The following ADGRV1 variants were observed in gnomAD, a reference collection of about 807,000 sequenced individuals.
ADGRV1 encodes G-protein coupled receptor 98.
ADGRV1 carries 359 observed loss-of-function variants against 596.2 expected under a neutral mutation model. The observed-to-expected ratio is 0.60, with a 90% CI of 0.55 to 0.66. The LOEUF is 0.66. Ranked by LOEUF, ADGRV1 falls within the 30% of genes least tolerant of loss-of-function variation. The pLI is 0.00. For missense variants in ADGRV1, 7,274 were observed against 7,575.6 expected, an observed-to-expected ratio of 0.96 and a Z score of 1.48; for synonymous variants, 2,681 against 2,679.2, an observed-to-expected ratio of 1.00 and a Z score of -0.02.
In ADGRV1 at chr5:90,778,412, T is replaced by C; in HGVS notation, c.12667-15T>C. On this transcript the variant is annotated splice_polypyrimidine_tract_variant and intron_variant, in intron 62 of 89. Transcript: ENST00000405460. ...CCACAGATTCTACTGTTGATGACTC[T>C]TTGTCTTTTTCTAGGCTTTGAACGA... 1 of 1,609,302 alleles carries C rather than the reference T, an allele frequency of 6.2e-7. No individual in the cohort carries two copies. Among genetic ancestry groups the C allele is most frequent in the Non-Finnish European group, 8.5e-7 (1 of 1,177,316 alleles).
chr5:90,974,058 GACAA>G lies in ADGRV1; in HGVS notation c.17973+8531_17973+8534del, dbSNP rs759608066. 1.1e-4 allele frequency among the ~76,000 whole-genome samples: 16 copies of G among 152,174 alleles called. 1 individual carries two copies. In the East Asian group the frequency reaches 2.5e-3, roughly 24 times the overall value. On this transcript the variant is annotated intron_variant, in intron 84 of 89. Transcript: ENST00000405460. ...CAAGCATTCTTATACACCAATAACA[GACAA>G]ACAGAGAGCCAAATCATGAGTGAAC...
chr5:90,885,346 C>G (rs1770178314), intron 83 of ADGRV1, among the ~76,000 whole-genome samples: 1 of 152,126 alleles, frequency 6.6e-6, no homozygotes, highest in Admixed American at 6.6e-5. Flanking sequence ...CTTAAAGTCT[C>G]AGGACTTTAT....
intron 85 of ADGRV1, among the ~76,000 whole-genome samples, chr5:91,033,395 C>T (rs1347147744): frequency 6.6e-6 from 1 of 152,116 alleles, no homozygotes; most frequent in Admixed American, 6.6e-5. Context: ...ATGTTACTTT[C>T]TCAGCTTCAT....
At chr5:90,692,517 GT>G in intron 31 of ADGRV1, 87 bp from the exon 32 acceptor site, 2 of 963,440 alleles carry the variant, frequency 2.1e-6, no homozygotes, top group Non-Finnish European at 3.1e-6. Context: ...GTACTTGTAT[GT>G]ATATGTTTGA....
chr5:90,671,906 G>C (rs957152820), intron 21 of ADGRV1, among the ~76,000 whole-genome samples: 10 of 152,046 alleles, frequency 6.6e-5, no homozygotes, highest in Non-Finnish European at 1.3e-4. Flanking sequence ...AATACCTCTA[G>C]GTTTATATGA....
intron 69 of ADGRV1, 115 bp from the exon 70 acceptor site, chr5:90,790,758 G>T: frequency 1.5e-6 from 1 of 679,814 alleles, no homozygotes; most frequent in Non-Finnish European, 2.4e-6. Context: ...TTTGAATATA[G>T]TGATGCACAA....
At chr5:90,642,596 T>G (rs747535420) in intron 11 of ADGRV1, 40 bp from the exon 12 acceptor site, 2 of 1,598,898 alleles carry the variant, frequency 1.3e-6, no homozygotes, top group East Asian at 4.5e-5. Flanking sequence ...GAAGTAAAAC[T>G]GGAAGTAGCG....
rs1363180088 is a variant in ADGRV1 at position 90,711,180 on chromosome 5, A to G, written c.8904-4A>G. 1 of 1,606,800 alleles carries G rather than the reference A, an allele frequency of 6.2e-7. No individual in the cohort carries two copies. The highest frequency in any genetic ancestry group is 1.3e-5 in the African/African-American group (1 of 74,428). On this transcript the variant is annotated splice_polypyrimidine_tract_variant and splice_region_variant and intron_variant, in intron 40 of 89. Transcript: ENST00000405460. ...TTTGTTTTTGTTTTTTTGCTATATT[A>G]TAGGTTTGAAGTAAATGAAACCCAT...
chr5:90,695,809 G>A (rs977452024), intron 33 of ADGRV1, among the ~76,000 whole-genome samples: 1 of 151,938 alleles, frequency 6.6e-6, no homozygotes, highest in East Asian at 1.9e-4. Context: ...ACGGAAGATG[G>A]GAACAGGTTA....
rs1580696026 is a variant in ADGRV1 at position 90,675,302 on chromosome 5, G to A, written c.5170G>A (p.Ala1724Thr). ...GCCTAAGGACGCAATGACCCTGCCT[G>A]CAAGCAGCGTTCCACATATCACTGT... ...PQPKDAMTLP[A>T]SSVPHITVEE... Residue 1724 changes from alanine to threonine, a missense_variant, in exon 24 of 90, where the codon GCA (alanine) becomes ACA (threonine). By Grantham distance (58) the Ala-to-Thr change is moderately conservative (BLOSUM62 0). Coordinates refer to ENST00000405460, the MANE Select transcript of ADGRV1 (RefSeq NM_032119.4). 6.2e-7 allele frequency: 1 copy of A among 1,613,802 alleles called. No homozygotes were observed. The highest frequency in any genetic ancestry group is 1.7e-5 in the Admixed American group (1 of 59,950).
chr5:91,149,042 A>G (rs1418989776), intron 87 of ADGRV1, among the ~76,000 whole-genome samples: 1 of 152,200 alleles, frequency 6.6e-6, no homozygotes, highest in African/African-American at 2.4e-5. Context: ...CATCATATCT[A>G]GGAAGCAACT....
chr5:90,908,678 A>G (rs1217036148), intron 83 of ADGRV1, among the ~76,000 whole-genome samples: 3 of 152,196 alleles, frequency 2.0e-5, no homozygotes, highest in African/African-American at 7.2e-5. Context: ...AATATTGTGT[A>G]TATGACCTTC....
intron 75 of ADGRV1, among the ~76,000 whole-genome samples, chr5:90,816,411 A>T (rs1447611246): frequency 3.4e-5 from 5 of 149,196 alleles, no homozygotes; most frequent in Non-Finnish European, 7.5e-5. Context: ...AAGATTTTTT[A>T]AATTTTATTA....
chr5:90,662,257 G>A (rs1024262182), intron 21 of ADGRV1, among the ~76,000 whole-genome samples: 1 of 145,980 alleles, frequency 6.9e-6, no homozygotes, highest in Non-Finnish European at 1.5e-5. Flanking sequence ...GCAGTGATGC[G>A]ATCATGGCTC....
chr5:90,970,409 A>T (rs1325367703), intron 84 of ADGRV1, among the ~76,000 whole-genome samples: 1 of 152,144 alleles, frequency 6.6e-6, no homozygotes, highest in Non-Finnish European at 1.5e-5. Context: ...GAGATCTGAG[A>T]ATGGACAGAC....
chr5:91,048,776 T>C (rs531363008), intron 85 of ADGRV1, among the ~76,000 whole-genome samples: 3 of 152,328 alleles, frequency 2.0e-5, no homozygotes, highest in Admixed American at 6.5e-5. Flanking sequence ...ACCTGATGCC[T>C]TAGGTTCTTG....
chr5:90,652,661 A>G (rs959992648), intron 19 of ADGRV1, 98 bp downstream of exon 19: 4 of 707,432 alleles, frequency 5.7e-6, no homozygotes, highest in Non-Finnish European at 9.0e-6. Context: ...ACAAAATGCA[A>G]TTGGTGAAGT....
At chr5:90,656,014 A>C (rs1769358112) in intron 20 of ADGRV1, among the ~76,000 whole-genome samples, 1 of 152,178 alleles carries the variant, frequency 6.6e-6, no homozygotes, top group African/African-American at 2.4e-5. Context: ...AAAAGTATAG[A>C]ATAGTATTAA....
intron 83 of ADGRV1, among the ~76,000 whole-genome samples, chr5:90,909,242 C>T (rs975296175): frequency 1.3e-5 from 2 of 152,200 alleles, no homozygotes; most frequent in Non-Finnish European, 1.5e-5. Flanking sequence ...ACATCTGTTT[C>T]CTTGCCCTTT....
Sources: allele counts gnomAD v4.1 joint callset (sites outside exome capture counted in the v4.1 genomes callset), GRCh38; gene constraint gnomAD v4.1.1; transcripts MANE v1.5; gene names NCBI Gene and HGNC (gene_info 2026-07-23, HGNC 2026-07-21).